Variants in CDH18 observed in about 807,000 individuals in gnomAD.
CDH18 encodes the protein cadherin 18, also known as cadherin-18.
CDH18 carries 31 observed loss-of-function variants against 67.9 expected under a neutral mutation model. The observed-to-expected ratio is 0.46, with a 90% CI of 0.34 to 0.62. The LOEUF (loss-of-function observed/expected upper bound fraction) is 0.62, where lower values mean the gene tolerates loss of function less well. Ranked by LOEUF, CDH18 falls within the 20% of genes least tolerant of loss-of-function variation. CDH18 has a pLI of 0.01. For synonymous variants in CDH18, 362 were observed against 347.2 expected (o/e 1.04, Z -0.48); for missense variants, 890 against 975.5 (o/e 0.91, Z 1.17).
chr5:19,982,966 C>T (rs180791839), intron 1 of CDH18, among the ~76,000 whole-genome samples: 149 of 136,552 alleles, frequency 1.1e-3, no homozygotes, highest in Non-Finnish European at 1.9e-3. Flanking sequence ...ATCGCTTGAA[C>T]CTGGGAGGTG....
chr5:19,736,173 C>T (rs941441098), intron 4 of CDH18, among the ~76,000 whole-genome samples: 2 of 152,108 alleles, frequency 1.3e-5, no homozygotes, highest in African/African-American at 2.4e-5. Flanking sequence ...AACACTTGAA[C>T]GTAACAATTA....
At chr5:19,676,956 C>A (rs913135561) in intron 5 of CDH18, among the ~76,000 whole-genome samples, 1 of 152,092 alleles carries the variant, frequency 6.6e-6, no homozygotes, top group Non-Finnish European at 1.5e-5. Context: ...TGCTCTAAAA[C>A]TTCCCTTGGT....
intron 1 of CDH18, among the ~76,000 whole-genome samples, chr5:20,454,849 C>T (rs903275202): frequency 2.0e-5 from 3 of 151,966 alleles, no homozygotes; most frequent in South Asian, 2.1e-4. Context: ...AATTCACTGC[C>T]GTTATAGCAA....
chr5:20,398,619 A>G (rs1303791932), intron 1 of CDH18, among the ~76,000 whole-genome samples: 1 of 152,142 alleles, frequency 6.6e-6, no homozygotes, highest in Non-Finnish European at 1.5e-5. Context: ...ATGTATACCT[A>G]TGTAAAAAAC....
chr5:19,591,368 CT>C (rs1429740423), intron 6 of CDH18, 124 bp from the exon 7 acceptor site: 8 of 510,658 alleles, frequency 1.6e-5, no homozygotes, highest in Admixed American at 4.0e-5. Flanking sequence ...ATCAAATGGA[CT>C]TTTTTAGATT....
intron 1 of CDH18, among the ~76,000 whole-genome samples, chr5:20,435,699 G>C (rs1418445781): frequency 6.6e-6 from 1 of 151,898 alleles, no homozygotes; most frequent in Non-Finnish European, 1.5e-5. Flanking sequence ...CTGCCACCTT[G>C]CTCCCACATA....
chr5:19,654,667 C>T (rs1459746122), intron 5 of CDH18, among the ~76,000 whole-genome samples: 3 of 152,284 alleles, frequency 2.0e-5, no homozygotes, highest in East Asian at 3.9e-4. Context: ...TAAGTGATAA[C>T]CAGCTCAGTG....
rs547190887 is a variant in CDH18, at chr5:20,380,957, A to G, written c.-579-125452T>C. ...ATCCTAATTCTCAGTACCTCAGAAT[A>G]TATTGTATTTGGAGACAGGACCTTT... On this transcript the variant is annotated intron_variant, in intron 1 of 14. Transcript: ENST00000507958. 2.0e-5 allele frequency among the ~76,000 whole-genome samples: 3 copies of G among 152,272 alleles called. No homozygotes were observed. In the East Asian group the frequency reaches 5.8e-4, roughly 29 times the overall value.
At chr5:19,558,688 G>A (rs939241686) in intron 8 of CDH18, among the ~76,000 whole-genome samples, 5 of 151,944 alleles carry the variant, frequency 3.3e-5, no homozygotes, top group Non-Finnish European at 7.4e-5. Context: ...TCCAGGACCA[G>A]ACAGATTCAT....
At chr5:20,157,086 A>C (rs564474161) in intron 2 of CDH18, among the ~76,000 whole-genome samples, 2 of 152,190 alleles carry the variant, frequency 1.3e-5, no homozygotes, top group Non-Finnish European at 2.9e-5. Flanking sequence ...ATGCTGGACA[A>C]AGGGATGATT....
chr5:19,825,874 A>T (rs1346033177), intron 3 of CDH18, among the ~76,000 whole-genome samples: 1 of 152,182 alleles, frequency 6.6e-6, no homozygotes, highest in African/African-American at 2.4e-5. Flanking sequence ...AAGAGTTCTT[A>T]ACCAGGATGA....
chr5:19,672,956 ACCTTTTCTT>A (rs1255126066), intron 5 of CDH18, among the ~76,000 whole-genome samples: 4 of 152,002 alleles, frequency 2.6e-5, no homozygotes, highest in South Asian at 4.1e-4. Context: ...TTCAGAAATG[ACCTTTTCTT>A]AAGACACATA....
chr5:19,648,241 AC>A (rs989015130), intron 5 of CDH18, among the ~76,000 whole-genome samples: 1 of 151,764 alleles, frequency 6.6e-6, no homozygotes, highest in African/African-American at 2.4e-5. Context: ...ATGTTGAAAA[AC>A]CGTCTCTACT....
intron 11 of CDH18, 63 bp from the exon 12 acceptor site, chr5:19,483,615 C>T: frequency 1.3e-6 from 2 of 1,487,152 alleles, no homozygotes; most frequent in Non-Finnish European, 1.8e-6. Context: ...ATTCACATTT[C>T]CTTTAATGGA....
chr5:20,331,536 T>G (rs1194277015), intron 1 of CDH18: 7 of 152,220 alleles, frequency 4.6e-5, no homozygotes, highest in Non-Finnish European at 1.0e-4. Flanking sequence ...TTCAAAATTC[T>G]GTAACACTAG....
intron 3 of CDH18, among the ~76,000 whole-genome samples, chr5:19,796,670 G>T (rs1278011368): frequency 6.6e-6 from 1 of 151,970 alleles, no homozygotes; most frequent in Non-Finnish European, 1.5e-5. Context: ...AATGCAATAG[G>T]CTGTTCTTTC....
intron 2 of CDH18, among the ~76,000 whole-genome samples, chr5:20,038,209 T>G (rs1402252361): frequency 6.6e-6 from 1 of 152,036 alleles, no homozygotes; most frequent in Non-Finnish European, 1.5e-5. Flanking sequence ...CAGTAATGAA[T>G]AGCCTACAAA....
At chr5:20,457,442 T>C (rs909351814) in intron 1 of CDH18, among the ~76,000 whole-genome samples, 1 of 152,188 alleles carries the variant, frequency 6.6e-6, no homozygotes, top group Non-Finnish European at 1.5e-5. Flanking sequence ...GTACCGATGA[T>C]GTCCTCATTT....
At chr5:19,824,615 T>C (rs543377633) in intron 3 of CDH18, among the ~76,000 whole-genome samples, 3 of 152,194 alleles carry the variant, frequency 2.0e-5, no homozygotes, top group Non-Finnish European at 4.4e-5. Context: ...CAGCACCATA[T>C]CCCCCGTAGA....
Sources: gnomAD v4.1 joint callset for allele counts (sites outside exome capture counted in the v4.1 genomes callset) on GRCh38, gnomAD v4.1.1 for gene constraint, MANE v1.5 for transcripts, NCBI Gene and HGNC (gene_info 2026-07-23, HGNC 2026-07-21) for gene names.